The following KIF21A variants were observed in gnomAD, a reference collection of about 807,000 sequenced individuals.
KIF21A encodes the protein kinesin family member 21A.
In KIF21A, 114 loss-of-function variants were observed where a neutral mutation model predicts 202.9. The observed-to-expected ratio is 0.56, with a 90% confidence interval of 0.48 to 0.66. The LOEUF is 0.66. Among genes scored for constraint, KIF21A ranks in the 30% least tolerant of loss-of-function variants. The pLI, the probability that KIF21A is intolerant of heterozygous loss-of-function variation, is 0.00. For synonymous variants in KIF21A, 667 were observed against 670.8 expected, an observed-to-expected ratio of 0.99 and a Z score of 0.09; for missense variants, 1,677 against 1,994.9, an observed-to-expected ratio of 0.84 and a Z score of 3.04.
At chr12:39,302,092 G>T (rs1943013051) in intron 36 of KIF21A, among the ~76,000 whole-genome samples, 1 of 152,106 alleles carries the variant, frequency 6.6e-6, no homozygotes. Context: ...ACTTTCAATA[G>T]AGAATATAGA....
At chr12:39,350,145 C>A (rs879570198) in intron 11 of KIF21A, among the ~76,000 whole-genome samples, 8 of 151,824 alleles carry the variant, frequency 5.3e-5, no homozygotes, top group Non-Finnish European at 1.5e-5. Context: ...TTCACTTAGG[C>A]TTTTATGTTT....
At chr12:39,322,483 C>A in intron 27 of KIF21A, 185 bp downstream of exon 27, 1 of 532,600 alleles carries the variant, frequency 1.9e-6, no homozygotes. Flanking sequence ...CAACAAAGGA[C>A]ATCTCATCTT....
chr12:39,328,200 A>G (rs1407398049), intron 24 of KIF21A, among the ~76,000 whole-genome samples: 1 of 152,118 alleles, frequency 6.6e-6, no homozygotes, highest in Non-Finnish European at 1.5e-5. Flanking sequence ...CTTCGTGCAA[A>G]TAATATGGCT....
intron 1 of KIF21A, among the ~76,000 whole-genome samples, chr12:39,401,911 A>G (rs1241588052): frequency 6.6e-6 from 1 of 152,240 alleles, no homozygotes; most frequent in Non-Finnish European, 1.5e-5. Context: ...TGAACCATTG[A>G]TTCAATATAA....
chr12:39,327,792 C>G (rs886207527), intron 24 of KIF21A, among the ~76,000 whole-genome samples: 2 of 152,180 alleles, frequency 1.3e-5, no homozygotes, highest in African/African-American at 4.8e-5. Flanking sequence ...AAACAACTCA[C>G]TGTTGTACTC....
At chr12:39,322,185 A>G (rs1945343725) in intron 27 of KIF21A, 1 of 153,440 alleles carries the variant, frequency 6.5e-6, no homozygotes, top group Non-Finnish European at 1.4e-5. Flanking sequence ...AAAAATTAGG[A>G]AAGCTCAAAA....
At chr12:39,426,458 G>A (rs546045939) in intron 1 of KIF21A, among the ~76,000 whole-genome samples, 11 of 152,102 alleles carry the variant, frequency 7.2e-5, no homozygotes, top group African/African-American at 2.2e-4. Flanking sequence ...GAATGAGCAT[G>A]GAAATTAAAA....
At chr12:39,343,193 C>G (rs1947590783) in intron 12 of KIF21A, among the ~76,000 whole-genome samples, 2 of 152,006 alleles carry the variant, frequency 1.3e-5, no homozygotes, top group Admixed American at 1.3e-4. Flanking sequence ...GAAACCCCGT[C>G]TCTACTAAAA....
intron 1 of KIF21A, among the ~76,000 whole-genome samples, chr12:39,380,000 C>T (rs1950514221): frequency 6.6e-6 from 1 of 152,228 alleles, no homozygotes; most frequent in Admixed American, 6.5e-5. Context: ...CGGAGTCTCC[C>T]TCTGTTGCTC....
chr12:39,438,722 G>C (rs1939159916), intron 1 of KIF21A, among the ~76,000 whole-genome samples: 1 of 152,048 alleles, frequency 6.6e-6, no homozygotes, highest in African/African-American at 2.4e-5. Flanking sequence ...AAACACAAAG[G>C]TCCTTTCTGT....
rs988319779 is a variant in KIF21A at position 39,293,785 on chromosome 12, G to A, written c.*639C>T. 2 of 151,000 alleles carry A rather than the reference G, an allele frequency of 1.3e-5. No homozygotes were observed. The highest frequency in any genetic ancestry group is 1.3e-4 in the Admixed American group (2 of 15,126). 9.4% of individuals were successfully genotyped at this position (151,000 alleles called of 1,614,324 possible). Reference sequence around the variant, plus strand: ...TTAGTCCTGAGCACAGAATATAGTAGAGCTGCAAAACTTTGGTCAATACAA... The same window carrying A: ...TTAGTCCTGAGCACAGAATATAGTAAAGCTGCAAAACTTTGGTCAATACAA... On this transcript the variant is annotated 3_prime_UTR_variant, in exon 38 of 38. Coordinates refer to ENST00000361418, the MANE Select transcript of KIF21A (RefSeq NM_001173464.2).
intron 1 of KIF21A, among the ~76,000 whole-genome samples, chr12:39,407,325 T>C (rs1231585252): frequency 6.6e-6 from 1 of 152,228 alleles, no homozygotes; most frequent in East Asian, 1.9e-4. Context: ...TGTCCCTCTC[T>C]GGCTACCAGA....
intron 1 of KIF21A, among the ~76,000 whole-genome samples, chr12:39,376,991 T>C (rs187927488): frequency 5.6e-4 from 86 of 152,318 alleles, no homozygotes; most frequent in African/African-American, 2.0e-3. Context: ...AATGGTTTCA[T>C]ACATGTGACA....
At chr12:39,396,943 A>G (rs1951798867) in intron 1 of KIF21A, among the ~76,000 whole-genome samples, 1 of 152,240 alleles carries the variant, frequency 6.6e-6, no homozygotes, top group African/African-American at 2.4e-5. Flanking sequence ...TAAGTGAAAT[A>G]CACCAAACTC....
At chr12:39,308,966 T>A (rs895140983) in intron 33 of KIF21A, among the ~76,000 whole-genome samples, 1 of 152,200 alleles carries the variant, frequency 6.6e-6, no homozygotes, top group Non-Finnish European at 1.5e-5. Flanking sequence ...CGAGTTTACG[T>A]CAATTTTGAT....
rs1566396415 is a variant in KIF21A at position 39,436,443 on chromosome 12, TA to T, written c.44+6483del. On this transcript the variant is annotated intron_variant, in intron 1 of 37. Coordinates refer to ENST00000361418, the MANE Select transcript of KIF21A (RefSeq NM_001173464.2). ...TATATTATATATATATATATATATA[TA>T]TATATTTTTTTTTTTTTTAGACAGG... is the stretch of plus-strand genomic sequence containing the variant. 8.6e-4 allele frequency among the ~76,000 whole-genome samples: 102 copies of T among 118,480 alleles called. 5 individuals are homozygous for T. Among genetic ancestry groups the T allele is most frequent in the Middle Eastern group, 4.1e-3 (1 of 244 alleles). 77.7% of individuals were successfully genotyped at this position (118,480 alleles called of 152,430 possible).
Position 39,355,707 on chromosome 12 carries a change from T to TTTTATATATATATATATATA in KIF21A, c.1469+1124_1469+1125insTATATATATATATATATAAA, listed in dbSNP as rs1351512351. ...TACCAAAAACATGAAGCATGAACAA[T>TTTTATATATATATATATATA]TATATATATATATATATATATATAT... On this transcript the variant is annotated intron_variant, in intron 10 of 37. Coordinates refer to ENST00000361418, the MANE Select transcript of KIF21A (RefSeq NM_001173464.2). 1.5e-4 allele frequency among the ~76,000 whole-genome samples: 15 copies of TTTTATATATATATATATATA among 101,226 alleles called. 1 individual carries two copies. The highest frequency in any genetic ancestry group is 1.2e-3 in the South Asian group (3 of 2,492). The allele number at this position is 101,226 out of a possible 152,430, so 66.4% of individuals were successfully genotyped here. A position where few individuals can be genotyped will look rare whatever the true frequency, so the allele number is the denominator to read the frequency against.
intron 11 of KIF21A, among the ~76,000 whole-genome samples, chr12:39,347,710 G>A (rs920989185): frequency 2.0e-5 from 3 of 151,942 alleles, no homozygotes; most frequent in Non-Finnish European, 2.9e-5. Context: ...GTAATCAAAT[G>A]GTCCAGTATA....
intron 17 of KIF21A, among the ~76,000 whole-genome samples, chr12:39,334,478 T>TTA (rs1046135728): frequency 7.2e-5 from 11 of 152,160 alleles, no homozygotes; most frequent in Admixed American, 6.5e-4. Context: ...GAAAATGACT[T>TTA]TATCTTATCA....
Sources: gnomAD v4.1 joint callset for allele counts (sites outside exome capture counted in the v4.1 genomes callset) on GRCh38, gnomAD v4.1.1 for gene constraint, MANE v1.5 for transcripts, NCBI Gene and HGNC (gene_info 2026-07-23, HGNC 2026-07-21) for gene names.